KCNAB1: variants seen among roughly 807,000 people sequenced by gnomAD.
The protein encoded by KCNAB1 is voltage-gated potassium channel subunit beta-1.
A neutral mutation model predicts 64.6 loss-of-function variants in KCNAB1; 35 were observed. The ratio of observed to expected loss-of-function variants is 0.54; its 90% confidence interval spans 0.41 to 0.72. The LOEUF is 0.72. Among genes scored for constraint, KCNAB1 ranks in the 30% least tolerant of loss-of-function variants. KCNAB1 has a pLI of 0.00. For synonymous variants in KCNAB1, 177 were observed against 183.8 expected (o/e 0.96, Z 0.30); for missense variants, 401 against 512.9 (o/e 0.78, Z 2.11).
intron 1 of KCNAB1, among the ~76,000 whole-genome samples, chr3:156,370,774 C>T (rs567246935): frequency 3.4e-4 from 52 of 152,324 alleles, no homozygotes; most frequent in African/African-American, 1.2e-3. Context: ...GACCCAGAAC[C>T]AGCAAAGGAG....
intron 12 of KCNAB1, among the ~76,000 whole-genome samples, chr3:156,526,914 G>A (rs1718348827): frequency 6.6e-6 from 1 of 151,270 alleles, no homozygotes; most frequent in African/African-American, 2.4e-5. Flanking sequence ...GGACATATCA[G>A]AAACACTAAC....
At chr3:156,475,288 A>G (rs1472900484) in intron 8 of KCNAB1, among the ~76,000 whole-genome samples, 1 of 152,072 alleles carries the variant, frequency 6.6e-6, no homozygotes, top group African/African-American at 2.4e-5. Context: ...TCAAAATAAG[A>G]TATCATTGCA....
chr3:156,492,338 G>T (rs1249154982), intron 8 of KCNAB1, among the ~76,000 whole-genome samples: 1 of 152,104 alleles, frequency 6.6e-6, no homozygotes, highest in Admixed American at 6.5e-5. Context: ...ATCTGGACAT[G>T]CTCTGTGACA....
intron 2 of KCNAB1, among the ~76,000 whole-genome samples, chr3:156,424,033 G>T (rs1715649499): frequency 6.6e-6 from 1 of 152,198 alleles, no homozygotes; most frequent in South Asian, 2.1e-4. Context: ...TCTATGGTGT[G>T]TCCATTGGGA....
At chr3:156,367,280 A>G (rs1202106229) in intron 1 of KCNAB1, among the ~76,000 whole-genome samples, 2 of 146,824 alleles carry the variant, frequency 1.4e-5, no homozygotes, top group South Asian at 2.1e-4. Context: ...GGTTCACGCC[A>G]TTCTCCTGCC....
chr3:156,395,558 A>G (rs1349426580), intron 1 of KCNAB1, among the ~76,000 whole-genome samples: 1 of 113,006 alleles, frequency 8.8e-6, no homozygotes, highest in East Asian at 2.2e-4. Context: ...AAAAAAAAAA[A>G]AAAAAAAAAA....
chr3:156,445,002 T>A (rs371866489), intron 2 of KCNAB1, among the ~76,000 whole-genome samples: 11 of 152,154 alleles, frequency 7.2e-5, no homozygotes, highest in African/African-American at 2.6e-4. Context: ...AGTCAGGGTG[T>A]AAAGAAAAGG....
chr3:156,531,432 G>T lies in KCNAB1; in HGVS notation c.1105G>T (p.Val369Leu). The change falls in exon 13 of 14, where the codon GTG becomes TTG. Residue 369 changes from valine (V) to leucine (L), a missense_variant. Physicochemically the swap from Val to Leu is conservative, Grantham distance 32. Coordinates refer to ENST00000490337, the MANE Select transcript of KCNAB1 (RefSeq NM_172160.3). ...AGCGTGGTGCCTGAGAAATGAAGGT[G>T]TGAGTTCTGTGCTCCTGGGATCATC... is the stretch of plus-strand genomic sequence containing the variant. ...AVAWCLRNEGVSSVLLGSSTP... is the reference protein window; with the variant it reads ...AVAWCLRNEGLSSVLLGSSTP... 6.2e-7 allele frequency: 1 copy of T among 1,614,080 alleles called. No individual in the cohort carries two copies. Among genetic ancestry groups the T allele is most frequent in the Non-Finnish European group, 8.5e-7 (1 of 1,179,896 alleles).
intron 2 of KCNAB1, among the ~76,000 whole-genome samples, chr3:156,429,529 C>T (rs1716064330): frequency 6.6e-6 from 1 of 152,228 alleles, no homozygotes; most frequent in Non-Finnish European, 1.5e-5. Flanking sequence ...ACTGTGTGGG[C>T]TTCTTTTTAA....
chr3:156,225,670 A>C (rs570467079), intron 1 of KCNAB1, among the ~76,000 whole-genome samples: 2 of 152,184 alleles, frequency 1.3e-5, no homozygotes, highest in African/African-American at 4.8e-5. Context: ...ACCTAGAAAA[A>C]CCTAAAGACT....
chr3:156,484,156 T>A (rs1715033850), intron 8 of KCNAB1, among the ~76,000 whole-genome samples: 2 of 152,150 alleles, frequency 1.3e-5, no homozygotes, highest in African/African-American at 4.8e-5. Flanking sequence ...TCCCCCACCT[T>A]TTTTTTCTTT....
At chr3:156,319,133 C>A (rs113351422) in intron 1 of KCNAB1, among the ~76,000 whole-genome samples, 3,707 of 152,210 alleles carry the variant, frequency 0.024, 174 homozygotes, top group African/African-American at 0.086. Context: ...GAACATGGAA[C>A]AACTTAGAAA....
At chr3:156,331,342 G>A (rs1227664580) in intron 1 of KCNAB1, among the ~76,000 whole-genome samples, 1 of 152,176 alleles carries the variant, frequency 6.6e-6, no homozygotes, top group Non-Finnish European at 1.5e-5. Flanking sequence ...CAGGGGTGGT[G>A]GGGGTGGTTA....
At chr3:156,239,134 A>G (rs143644660) in intron 1 of KCNAB1, among the ~76,000 whole-genome samples, 1 of 152,328 alleles carries the variant, frequency 6.6e-6, no homozygotes, top group East Asian at 1.9e-4. Flanking sequence ...GGTACACACT[A>G]TTTTACATGT....
intron 1 of KCNAB1, among the ~76,000 whole-genome samples, chr3:156,149,719 A>G (rs888506269): frequency 6.6e-6 from 1 of 152,224 alleles, no homozygotes; most frequent in Non-Finnish European, 1.5e-5. Context: ...GTGGATACCC[A>G]GGAAAGACTA....
intron 2 of KCNAB1, among the ~76,000 whole-genome samples, chr3:156,428,794 C>T (rs1031324945): frequency 2.6e-5 from 4 of 152,184 alleles, no homozygotes; most frequent in Non-Finnish European, 5.9e-5. Flanking sequence ...ACAATTTATG[C>T]AGCCCTGTCA....
At chr3:156,135,016 C>T (rs771578111) in intron 1 of KCNAB1, among the ~76,000 whole-genome samples, 42 of 150,950 alleles carry the variant, frequency 2.8e-4, no homozygotes, top group Non-Finnish European at 2.4e-4. Context: ...TTTTTCTTCA[C>T]GGTGGAGTCT....
intron 1 of KCNAB1, among the ~76,000 whole-genome samples, chr3:156,315,892 T>G (rs1703963592): frequency 6.6e-6 from 1 of 152,198 alleles, no homozygotes; most frequent in Non-Finnish European, 1.5e-5. Flanking sequence ...CATTGAAATA[T>G]GGGAAAATAA....
intron 2 of KCNAB1, among the ~76,000 whole-genome samples, chr3:156,426,448 G>T (rs1486511893): frequency 6.6e-6 from 1 of 152,172 alleles, no homozygotes; most frequent in African/African-American, 2.4e-5. Context: ...TGGCACATTT[G>T]TTACCTCTGA....
Sources: allele counts gnomAD v4.1 joint callset (sites outside exome capture counted in the v4.1 genomes callset), GRCh38; gene constraint gnomAD v4.1.1; transcripts MANE v1.5; gene names NCBI Gene and HGNC (gene_info 2026-07-23, HGNC 2026-07-21).